The following RAB22A variants were observed in gnomAD, a reference collection of about 807,000 sequenced individuals.
RAB22A encodes ras-related protein Rab-22A.
In RAB22A, 13 loss-of-function variants were observed where a neutral mutation model predicts 30.2. The ratio of observed to expected loss-of-function variants is 0.43; its 90% CI spans 0.28 to 0.68. RAB22A has a LOEUF of 0.68. Among genes scored for constraint, RAB22A ranks in the 30% least tolerant of loss-of-function variants. The pLI is 0.18. For missense variants in RAB22A, 177 were observed against 246.8 expected (o/e 0.72, Z 1.89); for synonymous variants, 89 against 87.2 (o/e 1.02, Z -0.11).
rs1230432600 is a variant in RAB22A, at chr20:58,360,687, C to T, written c.*984C>T. The T allele has an allele frequency of 6.6e-6, 1 of 152,584 alleles. No homozygotes were observed. The allele number at this position is 152,584 out of a possible 1,614,324, so 9.5% of individuals were successfully genotyped here. Reference sequence around the variant, plus strand: ...TTGACATTCCATTGAATCTCGCACCCAGTCTTGCGTATGCCTGCCCAGTTT... The same window carrying T: ...TTGACATTCCATTGAATCTCGCACCTAGTCTTGCGTATGCCTGCCCAGTTT... On this transcript the variant is annotated 3_prime_UTR_variant, in exon 7 of 7. Coordinates refer to ENST00000244040, the MANE Select transcript of RAB22A (RefSeq NM_020673.3).
chr20:58,312,577 C>T (rs1020775761), intron 2 of RAB22A, among the ~76,000 whole-genome samples: 2 of 139,190 alleles, frequency 1.4e-5, no homozygotes, highest in Admixed American at 7.8e-5. Context: ...CAAGCTCCGC[C>T]TCCTGGATTC....
At position 58,309,961 on chromosome 20, in the gene RAB22A, C is replaced by T; in HGVS notation, c.-16C>T. 2 of 1,264,272 alleles carry T rather than the reference C, an allele frequency of 1.6e-6. No homozygotes were observed. Among genetic ancestry groups the T allele is most frequent in the South Asian group, 3.4e-5 (1 of 29,516 alleles). The allele number at this position is 1,264,272 out of a possible 1,614,324, so 78.3% of individuals were successfully genotyped here. A position where few individuals can be genotyped will look rare whatever the true frequency, so the allele number is the denominator to read the frequency against. On this transcript the variant is annotated 5_prime_UTR_variant, in exon 1 of 7. Coordinates refer to ENST00000244040, the MANE Select transcript of RAB22A (RefSeq NM_020673.3). ...ACTTAGGGCGGCGGCGGGCCCGCGC[C>T]CCTGGCTCCCGGGCCATGGCGCTGA...
Position 58,366,277 on chromosome 20 carries a change from AC to A in RAB22A, c.*6579del, listed in dbSNP as rs562505363. On this transcript the variant is annotated 3_prime_UTR_variant, in exon 7 of 7. Coordinates refer to ENST00000244040, the MANE Select transcript of RAB22A (RefSeq NM_020673.3). ...GTGGTCACAGCAACAGGGACTGCTC[AC>A]CCCCTCCAGCTGGGGCTTTTCTAAC... is the stretch of plus-strand genomic sequence containing the variant. The A allele has an allele frequency of 2.6e-5, 4 of 151,796 alleles. No individual in the cohort carries two copies. The highest frequency in any genetic ancestry group is 2.1e-4 in the South Asian group (1 of 4,790). 9.4% of individuals were successfully genotyped at this position (151,796 alleles called of 1,614,324 possible). A position where few individuals can be genotyped will look rare whatever the true frequency, so the allele number is the denominator to read the frequency against.
chr20:58,334,061 T>C (rs1453067423), intron 2 of RAB22A, among the ~76,000 whole-genome samples: 1 of 152,096 alleles, frequency 6.6e-6, no homozygotes, highest in Non-Finnish European at 1.5e-5. Flanking sequence ...CCAGGCTCAG[T>C]GGCTCACACC....
At chr20:58,323,256 A>G (rs1986493894) in intron 2 of RAB22A, among the ~76,000 whole-genome samples, 1 of 151,916 alleles carries the variant, frequency 6.6e-6, no homozygotes, top group South Asian at 2.1e-4. Flanking sequence ...ATTGTTTTGA[A>G]ATTTTCATTT....
intron 2 of RAB22A, among the ~76,000 whole-genome samples, chr20:58,313,745 G>A (rs1220822584): frequency 2.6e-5 from 4 of 152,196 alleles, no homozygotes; most frequent in Non-Finnish European, 4.4e-5. Flanking sequence ...CTGGGTGCTG[G>A]TGCCTAGACC....
At chr20:58,348,181 C>G (rs1190471875) in intron 3 of RAB22A, among the ~76,000 whole-genome samples, 1 of 152,016 alleles carries the variant, frequency 6.6e-6, no homozygotes, top group South Asian at 2.1e-4. Context: ...GAGCCGAGAT[C>G]GCACCACTGC....
In RAB22A at chr20:58,360,990, A is replaced by G. The variant is rs1159115710; in HGVS notation, c.*1287A>G. ...TACAGCATCCTCAGACCAACTGAGG[A>G]GCTTTCCTTGTTAACAATTTAGCTT... On this transcript the variant is annotated 3_prime_UTR_variant, in exon 7 of 7. Transcript: ENST00000244040. The G allele has an allele frequency of 1.3e-5, 2 of 152,542 alleles. No individual in the cohort carries two copies. The highest frequency in any genetic ancestry group is 2.9e-5 in the Non-Finnish European group (2 of 68,034). 9.4% of individuals were successfully genotyped at this position (152,542 alleles called of 1,614,324 possible). A position where few individuals can be genotyped will look rare whatever the true frequency, so the allele number is the denominator to read the frequency against.
chr20:58,353,497 A>T lies in RAB22A; in HGVS notation c.336A>T (p.Val112=), dbSNP rs200122390. The T allele has an allele frequency of 6.2e-7, 1 of 1,612,332 alleles. No homozygotes were observed. Among genetic ancestry groups the T allele is most frequent in the Non-Finnish European group, 8.5e-7 (1 of 1,178,484 alleles). The part of the protein sequence containing the change: ...ELRQHGPPNI[V]VAIAGNKCDL... ...GACAGCATGGCCCACCTAATATTGTAGTTGCCATTGCAGGAAATAAATGTG... is the reference window on the plus strand; with the variant it reads ...GACAGCATGGCCCACCTAATATTGTTGTTGCCATTGCAGGAAATAAATGTG... The change falls in exon 5 of 7, where the codon GTA becomes GTT. Residue 112 remains valine, a synonymous_variant. Transcript: ENST00000244040.
chr20:58,367,408 T>C lies in RAB22A; in HGVS notation c.*7705T>C, dbSNP rs1480514340. ...AATAATATTGTTTTAGCTTGAATAT[T>C]CTATAATACACTTTTATAGAGTATA... On this transcript the variant is annotated 3_prime_UTR_variant, in exon 7 of 7. Coordinates refer to ENST00000244040, the MANE Select transcript of RAB22A (RefSeq NM_020673.3). 6.5e-6 allele frequency: 1 copy of C among 152,690 alleles called. No homozygotes were observed. Among genetic ancestry groups the C allele is most frequent in the Admixed American group, 6.5e-5 (1 of 15,286 alleles). The allele number at this position is 152,690 out of a possible 1,614,324, so 9.5% of individuals were successfully genotyped here.
chr20:58,314,053 C>CT (rs3069356), intron 2 of RAB22A, among the ~76,000 whole-genome samples: 74,280 of 145,766 alleles, frequency 0.51, 20,314 homozygotes, highest in African/African-American at 0.72. Flanking sequence ...TATTCTTTTT[C>CT]TTTTTTTTTT....
At chr20:58,310,983 GT>G in intron 1 of RAB22A, 59 bp from the exon 2 acceptor site, 3 of 1,389,088 alleles carry the variant, frequency 2.2e-6, no homozygotes, top group Non-Finnish European at 3.1e-6. Flanking sequence ...CCACAAAGTA[GT>G]TTTTGGTGTC....
chr20:58,329,963 A>G (rs188792627), intron 2 of RAB22A, among the ~76,000 whole-genome samples: 9 of 152,320 alleles, frequency 5.9e-5, no homozygotes, highest in Non-Finnish European at 8.8e-5. Context: ...AAGAGTCTGT[A>G]TATGTACTAA....
intron 2 of RAB22A, among the ~76,000 whole-genome samples, chr20:58,327,910 A>G (rs1416904265): frequency 4.9e-4 from 75 of 152,214 alleles, no homozygotes; most frequent in Non-Finnish European, 1.5e-5. Flanking sequence ...ATAAAGAGTC[A>G]TAACAATTAA....
At chr20:58,314,221 T>C (rs1373313821) in intron 2 of RAB22A, among the ~76,000 whole-genome samples, 2 of 152,082 alleles carry the variant, frequency 1.3e-5, no homozygotes, top group Non-Finnish European at 2.9e-5. Flanking sequence ...CCCGCCACAA[T>C]GCCAAGCTAA....
intron 2 of RAB22A, among the ~76,000 whole-genome samples, chr20:58,340,364 T>C (rs1172837622): frequency 1.3e-5 from 2 of 152,178 alleles, no homozygotes; most frequent in African/African-American, 4.8e-5. Context: ...AGCCTTGCAC[T>C]AGTTGAGCCA....
intron 2 of RAB22A, among the ~76,000 whole-genome samples, chr20:58,336,424 C>T (rs1330961439): frequency 6.6e-6 from 1 of 152,096 alleles, no homozygotes; most frequent in East Asian, 1.9e-4. Flanking sequence ...CCAATTTTTG[C>T]CTACATCATC....
chr20:58,348,283 A>G (rs533939221), intron 3 of RAB22A, among the ~76,000 whole-genome samples: 1 of 152,310 alleles, frequency 6.6e-6, no homozygotes, highest in East Asian at 1.9e-4. Context: ...GTCTTTAAAA[A>G]TGTACATTCC....
At chr20:58,319,313 T>A (rs1477630015) in intron 2 of RAB22A, among the ~76,000 whole-genome samples, 1 of 152,228 alleles carries the variant, frequency 6.6e-6, no homozygotes, top group African/African-American at 2.4e-5. Flanking sequence ...TAAACATTTT[T>A]GTTGAATTCA....
Sources: allele counts gnomAD v4.1 joint callset (sites outside exome capture counted in the v4.1 genomes callset), GRCh38; gene constraint gnomAD v4.1.1; transcripts MANE v1.5; gene names NCBI Gene and HGNC (gene_info 2026-07-23, HGNC 2026-07-21).